DNAJC25: variants seen among roughly 807,000 people sequenced by gnomAD.
DNAJC25 encodes dnaJ homolog subfamily C member 25.
In DNAJC25, 26 loss-of-function variants were observed where a neutral mutation model predicts 42.1. That is an observed-to-expected ratio of 0.62 (90% CI 0.45 to 0.86). DNAJC25 has a LOEUF of 0.86. DNAJC25 is among the 40% of genes least tolerant of loss of function. The pLI is 0.00. For synonymous variants in DNAJC25, 189 were observed against 179.9 expected (o/e 1.05, Z -0.40); for missense variants, 404 against 459.4 (o/e 0.88, Z 1.10).
At position 111,631,355 on chromosome 9, in the gene DNAJC25, C is replaced by T. The variant is rs959789112; in HGVS notation, c.-53C>T. The T allele has an allele frequency of 2.4e-6, 3 of 1,254,092 alleles. No homozygotes were observed. The highest frequency in any genetic ancestry group is 3.2e-5 in the East Asian group (1 of 31,640). The allele number at this position is 1,254,092 out of a possible 1,614,324, so 77.7% of individuals were successfully genotyped here. On this transcript the variant is annotated 5_prime_UTR_variant, in exon 1 of 4. Transcript: ENST00000313525. Reference sequence around the variant, plus strand: ...GGCCAGACGGGACTAGCCGGGCGCGCGGCTGAGTGCTGCAGAATCGCTGGG... The same window carrying T: ...GGCCAGACGGGACTAGCCGGGCGCGTGGCTGAGTGCTGCAGAATCGCTGGG...
chr9:111,647,184 T>C lies in DNAJC25; in HGVS notation c.414T>C (p.Tyr138=), dbSNP rs185619659. 14 of 1,614,176 alleles carry C rather than the reference T, an allele frequency of 8.7e-6. No individual in the cohort carries two copies. The highest frequency in any genetic ancestry group is 1.6e-4 in the Middle Eastern group (1 of 6,062). The change falls in exon 2 of 4, where the codon TAT becomes TAC. Residue 138 remains tyrosine, a synonymous_variant. Transcript: ENST00000313525. ...ACTACAGCCATTACTACCACTACTA[T>C]AGCAGGCGCTTGGCCCCTAAGGTGG... ...EEYYSHYYHY[Y]SRRLAPKVDV...
At chr9:111,637,919 C>A (rs1830387746) in intron 1 of DNAJC25, among the ~76,000 whole-genome samples, 1 of 152,222 alleles carries the variant, frequency 6.6e-6, no homozygotes, top group South Asian at 2.1e-4. Context: ...CATTGCTATT[C>A]TGTTGAGTTC....
chr9:111,633,896 C>T (rs1204502488), intron 1 of DNAJC25, among the ~76,000 whole-genome samples: 1 of 152,122 alleles, frequency 6.6e-6, no homozygotes, highest in Non-Finnish European at 1.5e-5. Context: ...GATCAAGGAA[C>T]GTTTAGGCAG....
chr9:111,639,957 CG>C (rs1830424960), intron 1 of DNAJC25, among the ~76,000 whole-genome samples: 1 of 148,568 alleles, frequency 6.7e-6, no homozygotes, highest in African/African-American at 2.4e-5. Flanking sequence ...TCTCCGTCTC[CG>C]TCTCCCCATG....
intron 1 of DNAJC25, 103 bp downstream of exon 1, chr9:111,631,846 C>T: frequency 7.1e-7 from 1 of 1,403,782 alleles, no homozygotes; most frequent in Non-Finnish European, 9.2e-7. Flanking sequence ...GACCCCGAAA[C>T]TGAGCACAGC....
At chr9:111,638,151 A>G (rs1830391043) in intron 1 of DNAJC25, among the ~76,000 whole-genome samples, 1 of 152,244 alleles carries the variant, frequency 6.6e-6, no homozygotes, top group African/African-American at 2.4e-5. Flanking sequence ...AAAAGAAGAT[A>G]TAATTATGAC....
intron 1 of DNAJC25, among the ~76,000 whole-genome samples, chr9:111,641,347 G>T (rs1198339781): frequency 8.2e-5 from 12 of 146,418 alleles, no homozygotes; most frequent in Non-Finnish European, 1.4e-4. Context: ...CATCCGGGAG[G>T]GAGGTGGGGG....
chr9:111,653,400 T>A lies in DNAJC25; in HGVS notation c.*178T>A. On this transcript the variant is annotated 3_prime_UTR_variant, in exon 4 of 4. Transcript: ENST00000313525. The stretch of plus-strand genomic sequence containing the variant: ...CCCTTAAAACTTTATACATAAGACA[T>A]TTATGATTGTTCAATTTTTATAATC... The A allele has an allele frequency of 3.4e-6, 2 of 582,116 alleles. No homozygotes were observed. Among genetic ancestry groups the A allele is most frequent in the Non-Finnish European group, 5.0e-6 (2 of 399,346 alleles). 36.1% of individuals were successfully genotyped at this position (582,116 alleles called of 1,614,324 possible). A position where few individuals can be genotyped will look rare whatever the true frequency, so the allele number is the denominator to read the frequency against.
chr9:111,646,767 A>T (rs1830573473), intron 1 of DNAJC25, among the ~76,000 whole-genome samples: 1 of 152,224 alleles, frequency 6.6e-6, no homozygotes, highest in Admixed American at 6.5e-5. Context: ...ATTAAAAAAA[A>T]ATCAACAGTT....
intron 3 of DNAJC25, among the ~76,000 whole-genome samples, chr9:111,652,471 C>T (rs1384215498): frequency 7.1e-6 from 1 of 140,088 alleles, no homozygotes; most frequent in Non-Finnish European, 1.5e-5. Flanking sequence ...GCTGAGATCA[C>T]ACCACTGCAC....
chr9:111,633,002 A>G (rs1415273798), intron 1 of DNAJC25, among the ~76,000 whole-genome samples: 2 of 152,154 alleles, frequency 1.3e-5, no homozygotes, highest in Admixed American at 6.5e-5. Flanking sequence ...TTTTATTGGC[A>G]GTTAACTGAG....
At chr9:111,645,797 CT>C (rs11415636) in intron 1 of DNAJC25, among the ~76,000 whole-genome samples, 3 of 149,214 alleles carry the variant, frequency 2.0e-5, no homozygotes, top group Admixed American at 6.7e-5. Context: ...ATAAAAAAAA[CT>C]TTTTTTTTTG....
chr9:111,647,214 T>TA lies in DNAJC25; in HGVS notation c.445dup (p.Arg149LysfsTer22), dbSNP rs767057981. On this transcript the variant is annotated frameshift_variant, in exon 2 of 4. Coordinates refer to ENST00000313525, the MANE Select transcript of DNAJC25 (RefSeq NM_001015882.3). LOFTEE classifies it high-confidence loss of function. Reference sequence around the variant, plus strand: ...GGCGCTTGGCCCCTAAGGTGGATGTTAGAGTAGTGATTTTGGTCAGCGTGT... The same window carrying TA: ...GGCGCTTGGCCCCTAAGGTGGATGTTAAGAGTAGTGATTTTGGTCAGCGTGT... 1 of 1,614,200 alleles carries TA rather than the reference T, an allele frequency of 6.2e-7. No individual in the cohort carries two copies. The highest frequency in any genetic ancestry group is 1.3e-5 in the African/African-American group (1 of 75,062).
chr9:111,649,467 G>C lies in DNAJC25; in HGVS notation c.504G>C (p.Trp168Cys), dbSNP rs1415607655. Residue 168 changes from tryptophan (W) to cysteine (C), a missense_variant, in exon 3 of 4, where the codon TGG (tryptophan) becomes TGC (cysteine). Transcript: ENST00000313525. ...AISVFQFFSW[W>C]NSYNKAISYL... ...AATTATTCTAGTTTTTCAGCTGGTG[G>C]AATAGCTACAATAAGGCAATCAGCT... 2.5e-6 allele frequency: 4 copies of C among 1,577,820 alleles called. No individual in the cohort carries two copies.
chr9:111,642,648 A>G (rs890729602), intron 1 of DNAJC25, among the ~76,000 whole-genome samples: 2 of 137,048 alleles, frequency 1.5e-5, no homozygotes, highest in African/African-American at 5.3e-5. Flanking sequence ...TAAATAAAAA[A>G]TAAATGTAAA....
At chr9:111,647,384 T>C in intron 2 of DNAJC25, 125 bp downstream of exon 2, 1 of 1,245,206 alleles carries the variant, frequency 8.0e-7, no homozygotes, top group African/African-American at 1.5e-5. Context: ...GAGATCTGTT[T>C]TAGTCATTGG....
chr9:111,640,764 G>A lies in DNAJC25; in HGVS notation c.337-6343G>A, dbSNP rs1444588811. On this transcript the variant is annotated intron_variant, in intron 1 of 3. Coordinates refer to ENST00000313525, the MANE Select transcript of DNAJC25 (RefSeq NM_001015882.3). Reference sequence around the variant, plus strand: ...CGTCTGAGAAGTGAGGAGCCTCTCCGCCCAGCAGCCACCCCATCTGGGAAG... The same window carrying A: ...CGTCTGAGAAGTGAGGAGCCTCTCCACCCAGCAGCCACCCCATCTGGGAAG... Among the ~76,000 whole-genome samples the A allele has an allele frequency of 7.4e-5, 8 of 107,950 alleles. No homozygotes were observed. In the South Asian group the frequency reaches 1.4e-3, roughly 19 times the overall value. 70.8% of individuals were successfully genotyped at this position (107,950 alleles called of 152,430 possible). A position where few individuals can be genotyped will look rare whatever the true frequency, so the allele number is the denominator to read the frequency against.
At chr9:111,638,745 C>T (rs116865373) in intron 1 of DNAJC25, among the ~76,000 whole-genome samples, 174 of 152,130 alleles carry the variant, frequency 1.1e-3, no homozygotes, top group Non-Finnish European at 1.9e-3. Flanking sequence ...CCTCATTCGA[C>T]TTTTTGCAAT....
In DNAJC25 at chr9:111,650,826, A is replaced by G. The variant is rs146628170; in HGVS notation, c.960+903A>G. On this transcript the variant is annotated intron_variant, in intron 3 of 3. Coordinates refer to ENST00000313525, the MANE Select transcript of DNAJC25 (RefSeq NM_001015882.3). ...CTGCTTAAGAAGTCTGAGATACATT[A>G]GTTTTTTTAGTTTCATAGTCATTTC... 1.9e-4 allele frequency among the ~76,000 whole-genome samples: 29 copies of G among 152,212 alleles called. 2 individuals are homozygous for G. In the East Asian group the frequency reaches 5.6e-3, roughly 29 times the overall value.
Sources: allele counts gnomAD v4.1 joint callset (sites outside exome capture counted in the v4.1 genomes callset), GRCh38; gene constraint gnomAD v4.1.1; transcripts MANE v1.5; gene names NCBI Gene and HGNC (gene_info 2026-07-23, HGNC 2026-07-21).